CAST: variants seen among roughly 807,000 people sequenced by gnomAD.
The protein encoded by CAST is MIR583 host.
Under a neutral mutation model 119.6 loss-of-function variants are expected in CAST, and 76 were observed. The ratio of observed to expected loss-of-function variants is 0.64; its 90% CI spans 0.53 to 0.77. The LOEUF is 0.77. CAST is among the 30% of genes least tolerant of loss of function. The pLI, the probability that CAST is intolerant of heterozygous loss-of-function variation, is 0.00. For missense variants in CAST, 953 were observed against 946.5 expected (o/e 1.01, Z -0.09); for synonymous variants, 319 against 331.6 (o/e 0.96, Z 0.41).
the CAST span, among the ~76,000 whole-genome samples, chr5:96,041,387 A>G: frequency 6.6e-6 from 1 of 152,122 alleles, no homozygotes; most frequent in African/African-American, 2.4e-5. Flanking sequence ...GTACTCCTAA[A>G]AATTGTCAAG....
chr5:95,967,739 G>C, the CAST span, among the ~76,000 whole-genome samples: 1 of 152,180 alleles, frequency 6.6e-6, no homozygotes, highest in Non-Finnish European at 1.5e-5. Context: ...GGCTTCCCCA[G>C]CCACACTGAA....
chr5:96,548,357 A>G (rs2150181496), intron 1 of CAST, among the ~76,000 whole-genome samples: 1 of 152,312 alleles, frequency 6.6e-6, no homozygotes, highest in East Asian at 1.9e-4. Flanking sequence ...TGACAAACAT[A>G]GCTACAGACT....
chr5:96,445,372 G>A, the CAST span, among the ~76,000 whole-genome samples: 2 of 152,196 alleles, frequency 1.3e-5, no homozygotes, highest in Admixed American at 1.3e-4. Flanking sequence ...GTTCAAGGCA[G>A]TAGTGAGCTA....
At chr5:96,689,523 AT>A (rs1420120705) in intron 2 of CAST, among the ~76,000 whole-genome samples, 1 of 152,242 alleles carries the variant, frequency 6.6e-6, no homozygotes, top group African/African-American at 2.4e-5. Flanking sequence ...ACCAGAGATC[AT>A]TTGATGAAAA....
chr5:96,589,743 A>G (rs1302599720), intron 1 of CAST, among the ~76,000 whole-genome samples: 1 of 152,210 alleles, frequency 6.6e-6, no homozygotes, highest in African/African-American at 2.4e-5. Flanking sequence ...TAACATAATT[A>G]TGCTTTTCTT....
the CAST span, among the ~76,000 whole-genome samples, chr5:96,468,877 G>T: frequency 6.6e-6 from 1 of 152,002 alleles, no homozygotes; most frequent in African/African-American, 2.4e-5. Flanking sequence ...ACAGCTAGTT[G>T]GGGAAAATAA....
chr5:96,085,461 T>G, the CAST span, among the ~76,000 whole-genome samples: 23 of 152,346 alleles, frequency 1.5e-4, no homozygotes, highest in African/African-American at 5.3e-4. Flanking sequence ...AAAGCAAATT[T>G]GTGACCCCAA....
At chr5:96,441,488 T>G in the CAST span, among the ~76,000 whole-genome samples, 1 of 152,120 alleles carries the variant, frequency 6.6e-6, no homozygotes, top group Non-Finnish European at 1.5e-5. Flanking sequence ...TTCACACATC[T>G]GCCTTGAGAA....
At chr5:96,557,850 C>G (rs1164815754) in intron 1 of CAST, among the ~76,000 whole-genome samples, 1 of 152,192 alleles carries the variant, frequency 6.6e-6, no homozygotes, top group Non-Finnish European at 1.5e-5. Flanking sequence ...CTGCACCAAG[C>G]AGACCTAACA....
At chr5:96,101,489 AGAG>A in the CAST span, among the ~76,000 whole-genome samples, 1 of 152,340 alleles carries the variant, frequency 6.6e-6, no homozygotes, top group African/African-American at 2.4e-5. Context: ...CCTGCCACAT[AGAG>A]GAGTTCACCA....
chr5:96,063,491 A>G, the CAST span, among the ~76,000 whole-genome samples: 2 of 152,228 alleles, frequency 1.3e-5, no homozygotes, highest in South Asian at 4.1e-4. Context: ...ATAGTTGTTG[A>G]TCCCAAGGAT....
At chr5:96,332,932 G>A in the CAST span, among the ~76,000 whole-genome samples, 2 of 152,172 alleles carry the variant, frequency 1.3e-5, no homozygotes, top group Non-Finnish European at 2.9e-5. Flanking sequence ...ACTCCAGCCA[G>A]GTGGTTTCCT....
At chr5:96,158,566 A>T in the CAST span, among the ~76,000 whole-genome samples, 1 of 152,212 alleles carries the variant, frequency 6.6e-6, no homozygotes, top group Non-Finnish European at 1.5e-5. Context: ...CAAGAATCTT[A>T]TATTTATTTC....
At chr5:96,184,384 A>G in the CAST span, among the ~76,000 whole-genome samples, 1 of 152,190 alleles carries the variant, frequency 6.6e-6, no homozygotes, top group Non-Finnish European at 1.5e-5. Context: ...TCAAGGGTAC[A>G]TATGCAGGAT....
the CAST span, among the ~76,000 whole-genome samples, chr5:96,313,490 C>A: frequency 6.6e-6 from 1 of 152,152 alleles, no homozygotes; most frequent in Non-Finnish European, 1.5e-5. Flanking sequence ...TAGATTCATC[C>A]ATGCTGTTGT....
chr5:96,176,754 CT>C, the CAST span, among the ~76,000 whole-genome samples: 3 of 152,152 alleles, frequency 2.0e-5, no homozygotes, highest in Admixed American at 6.5e-5. Flanking sequence ...TTTCATAACC[CT>C]GTATCGCATG....
At chr5:96,526,789 T>G (rs35758052), upstream of CAST, among the ~76,000 whole-genome samples, 3 of 152,060 alleles carry the variant, frequency 2.0e-5, no homozygotes, top group African/African-American at 4.8e-5. Flanking sequence ...AACTTAGAGG[T>G]TGATTTTGCC....
intron 1 of CAST, among the ~76,000 whole-genome samples, chr5:96,601,943 T>A (rs1165559445): frequency 6.6e-6 from 1 of 152,162 alleles, no homozygotes; most frequent in East Asian, 1.9e-4. Flanking sequence ...CAGCAAAGGA[T>A]CCACTCAACT....
chr5:96,767,601 A>C (rs1352774736), intron 28 of CAST, 119 bp downstream of exon 28: 1 of 729,602 alleles, frequency 1.4e-6, no homozygotes, highest in African/African-American at 1.8e-5. Context: ...TACTTTGTCA[A>C]AGCATGCATA....
Sources: allele counts gnomAD v4.1 joint callset (sites outside exome capture counted in the v4.1 genomes callset), GRCh38; gene constraint gnomAD v4.1.1; transcripts MANE v1.5; gene names NCBI Gene and HGNC (gene_info 2026-07-23, HGNC 2026-07-21).